Variants in KAT6B observed in about 807,000 individuals in gnomAD.
The protein encoded by KAT6B is histone acetyltransferase KAT6B.
A neutral mutation model predicts 187.5 loss-of-function variants in KAT6B; 10 were observed. That is an observed-to-expected ratio of 0.05 (90% CI 0.03 to 0.09). The LOEUF is 0.09. Among genes scored for constraint, KAT6B ranks in the 10% least tolerant of loss-of-function variants. KAT6B has a pLI of 1.00. For synonymous variants in KAT6B, 861 were observed against 926.8 expected, an observed-to-expected ratio of 0.93 and a Z score of 1.29; for missense variants, 1,952 against 2,558.9, an observed-to-expected ratio of 0.76 and a Z score of 5.12.
intron 1 of KAT6B, among the ~76,000 whole-genome samples, chr10:74,833,797 A>T (rs1841061741): frequency 1.3e-5 from 2 of 152,222 alleles, no homozygotes; most frequent in Non-Finnish European, 2.9e-5. Flanking sequence ...TCCTTGGAAA[A>T]CATTATTAGC....
Position 75,030,792 on chromosome 10 carries a change from A to G in KAT6B, c.5968A>G (p.Asn1990Asp). 2 of 1,614,232 alleles carry G rather than the reference A, an allele frequency of 1.2e-6. No homozygotes were observed. The highest frequency in any genetic ancestry group is 1.7e-6 in the Non-Finnish European group (2 of 1,180,032). The change falls in exon 18 of 18, where the codon AAC (asparagine) becomes GAC (aspartate). Residue 1990 changes from asparagine to aspartate, a missense_variant. Asn to Asp is a conservative substitution (Grantham distance 23). This residue lies in a region of KAT6B where 358 missense variants were observed against 436.3 expected (regional missense o/e 0.82). Transcript: ENST00000287239. This position sits in a 1 kb window ranked among gnomAD's most constrained non-coding sequence, Gnocchi z 4.8. ...NSVNMNMNTL[N>D]AMNGYSMSQP... The stretch of plus-strand genomic sequence containing the variant: ...TGTGAACATGAACATGAACACTCTC[A>G]ACGCCATGAATGGGTACAGCATGTC...
chr10:75,001,810 G>T (rs1214165778), intron 13 of KAT6B, among the ~76,000 whole-genome samples: 1 of 152,132 alleles, frequency 6.6e-6, no homozygotes, highest in Non-Finnish European at 1.5e-5. Flanking sequence ...TTTTCATTTA[G>T]AAGTCCAGTT....
intron 3 of KAT6B, among the ~76,000 whole-genome samples, chr10:74,864,095 GTC>G (rs1843381556): frequency 1.3e-5 from 2 of 152,054 alleles, no homozygotes; most frequent in East Asian, 1.9e-4. Context: ...TTGAGACAGG[GTC>G]TCTCTCTTTC....
upstream of KAT6B, among the ~76,000 whole-genome samples, chr10:74,826,146 G>C (rs1840195518): frequency 6.6e-6 from 1 of 152,070 alleles, no homozygotes; most frequent in South Asian, 2.1e-4. Flanking sequence ...GGGGTTGAGT[G>C]GGGGAGGGGA....
intron 2 of KAT6B, among the ~76,000 whole-genome samples, chr10:74,839,743 G>A (rs1841591666): frequency 6.6e-6 from 1 of 152,184 alleles, no homozygotes; most frequent in African/African-American, 2.4e-5. Flanking sequence ...ATGAAATTTT[G>A]CCCGAAACCA....
In KAT6B at chr10:75,025,062, C is replaced by G. The variant is rs145574734; in HGVS notation, c.3477C>G (p.Pro1159=). Residue 1159 remains proline, a synonymous_variant, in exon 17 of 18, where the codon CCC becomes CCG. Coordinates refer to ENST00000287239, the MANE Select transcript of KAT6B (RefSeq NM_012330.4). ...ISETTEVLNE[P]FDNSDEERPM... is the part of the protein sequence containing the mutation. ...AGACGACAGAAGTACTGAATGAGCC[C>G]TTTGACAACTCAGATGAAGAGAGGC... is the stretch of plus-strand genomic sequence containing the variant. The G allele has an allele frequency of 9.3e-6, 15 of 1,614,214 alleles. No homozygotes were observed. In the African/African-American group the frequency reaches 1.6e-4, roughly 17 times the overall value.
chr10:74,988,046 A>G (rs1402735612), intron 12 of KAT6B, among the ~76,000 whole-genome samples: 6 of 152,194 alleles, frequency 3.9e-5, no homozygotes, highest in Admixed American at 3.3e-4. Context: ...GAAATCTTCA[A>G]TTCTGCCCTG....
intron 17 of KAT6B, chr10:75,025,570 C>A: frequency 7.5e-6 from 2 of 266,914 alleles, no homozygotes; most frequent in Non-Finnish European, 1.4e-5. Context: ...CTAATATGTA[C>A]TTTTTTTTTT....
intron 3 of KAT6B, among the ~76,000 whole-genome samples, chr10:74,853,501 C>G (rs1842621987): frequency 6.6e-6 from 1 of 152,122 alleles, no homozygotes; most frequent in East Asian, 1.9e-4. Context: ...GCCACGTTGC[C>G]CAGGCTGGTC....
At chr10:74,870,525 A>G (rs891152133) in intron 3 of KAT6B, among the ~76,000 whole-genome samples, 4 of 152,192 alleles carry the variant, frequency 2.6e-5, no homozygotes, top group African/African-American at 9.6e-5. Context: ...AAATAAATGC[A>G]TTTGATCTTT....
At chr10:74,939,905 A>G (rs1296240332) in intron 3 of KAT6B, among the ~76,000 whole-genome samples, 1 of 152,214 alleles carries the variant, frequency 6.6e-6, no homozygotes, top group Admixed American at 6.5e-5. Flanking sequence ...GGAAGTGTAC[A>G]TGTGTACATT....
At chr10:74,855,851 A>T (rs1401616428) in intron 3 of KAT6B, among the ~76,000 whole-genome samples, 1 of 152,204 alleles carries the variant, frequency 6.6e-6, no homozygotes, top group Non-Finnish European at 1.5e-5. Flanking sequence ...ATATGTGTGT[A>T]TATGTATATG....
intron 3 of KAT6B, among the ~76,000 whole-genome samples, chr10:74,917,455 A>G (rs1231224312): frequency 1.3e-5 from 2 of 152,074 alleles, no homozygotes; most frequent in African/African-American, 2.4e-5. Context: ...ATTTCCTGCA[A>G]TCTATTAAAG....
chr10:74,928,786 G>A (rs909567633), intron 3 of KAT6B, among the ~76,000 whole-genome samples: 1 of 152,198 alleles, frequency 6.6e-6, no homozygotes, highest in African/African-American at 2.4e-5. Flanking sequence ...ACCTTGGTCT[G>A]AGGCATGTAC....
chr10:75,014,105 C>T (rs1310283687), intron 13 of KAT6B, among the ~76,000 whole-genome samples: 1 of 152,184 alleles, frequency 6.6e-6, no homozygotes, highest in Non-Finnish European at 1.5e-5. Context: ...TTCATTTTCT[C>T]ATGAGTATAC....
At chr10:74,945,341 A>G (rs1286371121) in intron 3 of KAT6B, among the ~76,000 whole-genome samples, 1 of 152,246 alleles carries the variant, frequency 6.6e-6, no homozygotes, top group African/African-American at 2.4e-5. Context: ...CAGAAAGCAG[A>G]TGAGTGATTG....
chr10:74,863,856 G>A lies in KAT6B; in HGVS notation c.621+20378G>A, dbSNP rs543656402. The stretch of plus-strand genomic sequence containing the variant: ...AGTTGGAGGTCTGTAATATTCTTAC[G>A]CTGTTGTTTCTTATTTTTAAATTGT... On this transcript the variant is annotated intron_variant, in intron 3 of 17. Transcript: ENST00000287239. Among the ~76,000 whole-genome samples, 198 of 152,184 alleles carry A rather than the reference G, an allele frequency of 1.3e-3. 1 individual carries two copies. Among genetic ancestry groups the A allele is most frequent in the African/African-American group, 4.1e-3 (172 of 41,518 alleles).
intron 3 of KAT6B, among the ~76,000 whole-genome samples, chr10:74,921,667 A>G (rs1009426848): frequency 2.6e-5 from 4 of 151,988 alleles, no homozygotes; most frequent in Admixed American, 2.6e-4. Flanking sequence ...TTGTGTGGCT[A>G]CCTCCCAAGC....
At chr10:74,831,338 G>A (rs1362856171) in intron 1 of KAT6B, among the ~76,000 whole-genome samples, 3 of 152,030 alleles carry the variant, frequency 2.0e-5, no homozygotes, top group Non-Finnish European at 4.4e-5. Flanking sequence ...AAATTTATTG[G>A]TCTTTACTTT....
Sources: allele counts gnomAD v4.1 joint callset (sites outside exome capture counted in the v4.1 genomes callset), GRCh38; gene constraint gnomAD v4.1.1; regional missense constraint gnomAD v4.1.1; non-coding constraint Gnocchi (gnomAD v3.1); transcripts MANE v1.5; gene names NCBI Gene and HGNC (gene_info 2026-07-23, HGNC 2026-07-21).